The following PTGER3 variants were observed in gnomAD, a reference collection of about 807,000 sequenced individuals.
PTGER3 encodes prostaglandin E2 receptor EP3 subtype.
PTGER3 carries 22 observed loss-of-function variants against 34.7 expected under a neutral mutation model. The observed-to-expected ratio is 0.63, with a 90% confidence interval of 0.45 to 0.91. PTGER3 has a LOEUF of 0.91. Ranked by LOEUF, PTGER3 falls within the 40% of genes least tolerant of loss-of-function variation. The pLI, the probability that PTGER3 is intolerant of heterozygous loss-of-function variation, is 0.00. For synonymous variants in PTGER3, 241 were observed against 230.1 expected (o/e 1.05, Z -0.43); for missense variants, 468 against 519.4 (o/e 0.90, Z 0.96).
intron 4 of PTGER3, among the ~76,000 whole-genome samples, chr1:70,934,978 A>T (rs1051441157): frequency 4.6e-5 from 7 of 152,188 alleles, no homozygotes; most frequent in African/African-American, 1.7e-4. Flanking sequence ...GTAAATGTTG[A>T]TCACCAGCTC....
chr1:71,042,180 T>C (rs190903123), intron 1 of PTGER3, among the ~76,000 whole-genome samples: 1 of 151,652 alleles, frequency 6.6e-6, no homozygotes, highest in Non-Finnish European at 1.5e-5. Context: ...GAAGTCCTCA[T>C]CTTGTCATTC....
intron 2 of PTGER3, chr1:71,007,551 A>AC (rs1657079633): frequency 1.0e-6 from 1 of 985,262 alleles, no homozygotes; most frequent in African/African-American, 1.7e-5. Context: ...CAAAATGATG[A>AC]AGGTTAACAG....
At chr1:70,872,666 A>G (rs1646188038) in intron 4 of PTGER3, among the ~76,000 whole-genome samples, 1 of 152,224 alleles carries the variant, frequency 6.6e-6, no homozygotes. Flanking sequence ...CATCTAGACC[A>G]CAAACTCCAA....
chr1:70,976,424 C>T (rs1032542751), intron 2 of PTGER3, among the ~76,000 whole-genome samples: 3 of 152,036 alleles, frequency 2.0e-5, no homozygotes, highest in Non-Finnish European at 4.4e-5. Flanking sequence ...ATGGAGGAGG[C>T]TATGCATATG....
intron 2 of PTGER3, among the ~76,000 whole-genome samples, chr1:70,982,943 T>C (rs1654528713): frequency 6.6e-6 from 1 of 152,012 alleles, no homozygotes. Flanking sequence ...ACAGAACATA[T>C]ACAGTGATTA....
At chr1:70,982,339 G>A (rs765813325) in intron 2 of PTGER3, among the ~76,000 whole-genome samples, 2 of 152,144 alleles carry the variant, frequency 1.3e-5, no homozygotes, top group Non-Finnish European at 2.9e-5. Context: ...TTGGACTGCA[G>A]TATTCCACCC....
intron 4 of PTGER3, among the ~76,000 whole-genome samples, chr1:70,861,823 C>G (rs1006091010): frequency 6.6e-6 from 1 of 152,060 alleles, no homozygotes; most frequent in African/African-American, 2.4e-5. Context: ...AAAGCAAACT[C>G]TCATTTCTTA....
chr1:70,968,808 T>A (rs1435188009), downstream of PTGER3, among the ~76,000 whole-genome samples: 5 of 151,852 alleles, frequency 3.3e-5, no homozygotes, highest in African/African-American at 7.3e-5. Flanking sequence ...TATTTCTCAT[T>A]GTATGAGAAG....
At chr1:70,915,238 A>G (rs966187717) in intron 4 of PTGER3, among the ~76,000 whole-genome samples, 1 of 151,872 alleles carries the variant, frequency 6.6e-6, no homozygotes, top group African/African-American at 2.4e-5. Flanking sequence ...TGTTACAATC[A>G]ATGTCCCCCT....
intron 4 of PTGER3, chr1:70,884,035 G>C: frequency 2.6e-6 from 1 of 384,132 alleles, no homozygotes; most frequent in South Asian, 1.9e-5. Context: ...TGCAGTGAGC[G>C]GAAATCACTC....
intron 1 of PTGER3, among the ~76,000 whole-genome samples, chr1:71,024,564 G>T (rs967110895): frequency 6.6e-6 from 1 of 151,670 alleles, no homozygotes; most frequent in South Asian, 2.1e-4. Flanking sequence ...CAAGGGTATA[G>T]TGCATCCTGC....
intron 1 of PTGER3, among the ~76,000 whole-genome samples, chr1:71,040,099 G>GGAAA (rs779376856): frequency 2.8e-3 from 354 of 124,880 alleles, no homozygotes; most frequent in African/African-American, 9.9e-3. Context: ...AAAGAAAGAA[G>GGAAA]GAAAGAAAGA....
chr1:70,932,274 C>G (rs1415797209), intron 4 of PTGER3, among the ~76,000 whole-genome samples: 1 of 152,152 alleles, frequency 6.6e-6, no homozygotes, highest in Non-Finnish European at 1.5e-5. Flanking sequence ...TTCATCAAGT[C>G]TCTAGGTGGT....
chr1:70,962,024 G>C (rs1015589550), intron 2 of PTGER3, among the ~76,000 whole-genome samples: 1 of 152,150 alleles, frequency 6.6e-6, no homozygotes, highest in African/African-American at 2.4e-5. Flanking sequence ...ACCTGATATA[G>C]TTTAGCTCTA....
intron 1 of PTGER3, among the ~76,000 whole-genome samples, chr1:71,019,964 T>C (rs985251027): frequency 4.6e-5 from 7 of 152,202 alleles, no homozygotes; most frequent in African/African-American, 1.7e-4. Context: ...TAATTCTCTG[T>C]TGTTAGGTTA....
intron 4 of PTGER3, among the ~76,000 whole-genome samples, chr1:70,907,435 C>A (rs140565773): frequency 1.3e-5 from 2 of 152,184 alleles, no homozygotes; most frequent in African/African-American, 4.8e-5. Flanking sequence ...GGACATGATG[C>A]GAAAGCCAGA....
chr1:70,963,934 T>G (rs1435215837), intron 2 of PTGER3, among the ~76,000 whole-genome samples: 1 of 152,202 alleles, frequency 6.6e-6, no homozygotes. Context: ...ACCTAGAAAT[T>G]TCTTCCACCA....
chr1:70,879,154 G>A (rs1019526636), intron 4 of PTGER3, among the ~76,000 whole-genome samples: 1 of 152,172 alleles, frequency 6.6e-6, no homozygotes, highest in African/African-American at 2.4e-5. Flanking sequence ...GGGTGCACCT[G>A]TGTTGGGTGG....
chr1:70,869,080 G>A (rs1163229310), intron 4 of PTGER3, among the ~76,000 whole-genome samples: 1 of 152,172 alleles, frequency 6.6e-6, no homozygotes, highest in Non-Finnish European at 1.5e-5. Context: ...ATTACAGCCT[G>A]CAGTACATTC....
Sources: gnomAD v4.1 joint callset for allele counts (sites outside exome capture counted in the v4.1 genomes callset) on GRCh38, gnomAD v4.1.1 for gene constraint, MANE v1.5 for transcripts, NCBI Gene and HGNC (gene_info 2026-07-23, HGNC 2026-07-21) for gene names.